Variants in PPP2R2B observed in about 807,000 individuals in gnomAD.
The protein encoded by PPP2R2B is protein phosphatase 2 regulatory subunit Bbeta.
PPP2R2B carries 5 observed loss-of-function variants against 46.0 expected under a neutral mutation model. That is an observed-to-expected ratio of 0.11 (90% CI 0.06 to 0.23). The LOEUF (loss-of-function observed/expected upper bound fraction) is 0.23, where lower values mean the gene tolerates loss of function less well. PPP2R2B is among the 10% of genes least tolerant of loss of function. The probability of loss-of-function intolerance (pLI) is 1.00; values close to 1 mark genes in which losing one functional copy is unlikely to be tolerated. For synonymous variants in PPP2R2B, 215 were observed against 206.7 expected, an observed-to-expected ratio of 1.04 and a Z score of -0.34; for missense variants, 367 against 575.0, an observed-to-expected ratio of 0.64 and a Z score of 3.70.
chr5:146,793,481 C>T (rs1033649041), intron 2 of PPP2R2B, among the ~76,000 whole-genome samples: 5 of 152,154 alleles, frequency 3.3e-5, no homozygotes, highest in African/African-American at 1.2e-4. Flanking sequence ...AGTACTAATT[C>T]ATTTAAGTCA....
At chr5:146,894,081 T>A (rs575285776) in intron 1 of PPP2R2B, among the ~76,000 whole-genome samples, 51 of 152,228 alleles carry the variant, frequency 3.4e-4, no homozygotes, top group African/African-American at 1.1e-3. Context: ...TCTGTCCATA[T>A]CTATCCATTT....
At position 146,581,511 on chromosome 5, in the gene PPP2R2B, A is replaced by G. The variant is rs114185781; in HGVS notation, c.*8436T>C. ...GATTATGGTGAGGACACAGATCCAA[A>G]TCATGTCAATATATAATTAACCTTT... On this transcript the variant is annotated 3_prime_UTR_variant, in exon 10 of 10. Transcript: ENST00000394411. The G allele has an allele frequency of 2.1e-3, 327 of 152,342 alleles. 3 individuals are homozygous for G. The highest frequency in any genetic ancestry group is 7.7e-3 in the African/African-American group (321 of 41,574). The allele number at this position is 152,342 out of a possible 1,614,324, so 9.4% of individuals were successfully genotyped here.
intron 8 of PPP2R2B, among the ~76,000 whole-genome samples, chr5:146,597,435 T>A (rs1298745843): frequency 1.3e-5 from 2 of 152,180 alleles, no homozygotes; most frequent in African/African-American, 4.8e-5. Flanking sequence ...TTTCCCCTTT[T>A]CCCTACCTTC....
intron 5 of PPP2R2B, among the ~76,000 whole-genome samples, chr5:146,689,058 A>G (rs576268906): frequency 6.6e-6 from 1 of 152,298 alleles, no homozygotes; most frequent in South Asian, 2.1e-4. Flanking sequence ...AAGAAAAATA[A>G]CTGAATTGTC....
intron 2 of PPP2R2B, among the ~76,000 whole-genome samples, chr5:146,866,907 T>C (rs536734337): frequency 6.2e-4 from 94 of 152,294 alleles, no homozygotes; most frequent in African/African-American, 2.0e-3. Context: ...TACAACATCC[T>C]TTATAAGTAC....
intron 6 of PPP2R2B, among the ~76,000 whole-genome samples, chr5:146,641,792 G>A (rs957470988): frequency 6.6e-6 from 1 of 152,128 alleles, no homozygotes; most frequent in African/African-American, 2.4e-5. Context: ...AAGAAGATGA[G>A]CAATTCGTGG....
intron 7 of PPP2R2B, among the ~76,000 whole-genome samples, chr5:146,633,173 C>T (rs1166723187): frequency 6.6e-6 from 1 of 152,226 alleles, no homozygotes; most frequent in Non-Finnish European, 1.5e-5. Flanking sequence ...AAGGAATCAT[C>T]CTTTCCAACC....
rs1770310991 is a variant in PPP2R2B, at chr5:146,588,806, G to C, written c.*1141C>G. 1 of 152,188 alleles carries C rather than the reference G, an allele frequency of 6.6e-6. No homozygotes were observed. Among genetic ancestry groups the C allele is most frequent in the Non-Finnish European group, 1.5e-5 (1 of 68,050 alleles). 9.4% of individuals were successfully genotyped at this position (152,188 alleles called of 1,614,324 possible). On this transcript the variant is annotated 3_prime_UTR_variant, in exon 10 of 10. Transcript: ENST00000394411. ...GAGAGCCTTCTGGTCTGTTTTTCCA[G>C]ATGGCGAGCTTGGGGTGAGTTAGAA...
At chr5:146,780,072 T>G (rs2151281180) in intron 2 of PPP2R2B, among the ~76,000 whole-genome samples, 1 of 152,288 alleles carries the variant, frequency 6.6e-6, no homozygotes, top group Non-Finnish European at 1.5e-5. Flanking sequence ...GGGTTAAATT[T>G]TTCTCCACTA....
intron 7 of PPP2R2B, among the ~76,000 whole-genome samples, chr5:146,604,762 A>C (rs1044433193): frequency 1.3e-5 from 2 of 152,234 alleles, no homozygotes; most frequent in African/African-American, 4.8e-5. Flanking sequence ...GGAAAGGTTC[A>C]GTAAGTCACC....
intron 7 of PPP2R2B, among the ~76,000 whole-genome samples, chr5:146,622,468 A>T (rs1434648799): frequency 1.3e-5 from 2 of 152,184 alleles, no homozygotes; most frequent in African/African-American, 4.8e-5. Context: ...ACTATTGACC[A>T]CTATGATATA....
intron 2 of PPP2R2B, among the ~76,000 whole-genome samples, chr5:146,740,888 C>A (rs577462554): frequency 6.6e-6 from 1 of 152,156 alleles, no homozygotes; most frequent in East Asian, 1.9e-4. Context: ...TCACAATCAC[C>A]AAAGGAACAC....
chr5:146,663,549 G>T (rs1336782061), intron 5 of PPP2R2B, among the ~76,000 whole-genome samples: 1 of 152,156 alleles, frequency 6.6e-6, no homozygotes, highest in Non-Finnish European at 1.5e-5. Context: ...AGTGAATATT[G>T]CAATAAAGTT....
chr5:146,929,622 G>A (rs1763901197), intron 1 of PPP2R2B, among the ~76,000 whole-genome samples: 1 of 151,902 alleles, frequency 6.6e-6, no homozygotes, highest in South Asian at 2.1e-4. Flanking sequence ...GTTATGAGAA[G>A]TCCTACAGGA....
chr5:146,959,155 G>C (rs960239300), intron 1 of PPP2R2B, among the ~76,000 whole-genome samples: 2 of 152,156 alleles, frequency 1.3e-5, no homozygotes, highest in Non-Finnish European at 2.9e-5. Flanking sequence ...GAAATTCTAA[G>C]TCTAAAGTCT....
chr5:146,853,856 T>A (rs1007161140), intron 2 of PPP2R2B, among the ~76,000 whole-genome samples: 1 of 151,998 alleles, frequency 6.6e-6, no homozygotes, highest in Non-Finnish European at 1.5e-5. Context: ...TCTTCTTCCC[T>A]CCTCCTCATC....
At chr5:146,750,472 T>C (rs1465932401) in intron 2 of PPP2R2B, among the ~76,000 whole-genome samples, 1 of 152,172 alleles carries the variant, frequency 6.6e-6, no homozygotes, top group East Asian at 1.9e-4. Flanking sequence ...GGGTAACAAA[T>C]TCAGTTGCTC....
chr5:146,859,934 T>C (rs959461203), intron 2 of PPP2R2B, among the ~76,000 whole-genome samples: 32 of 152,170 alleles, frequency 2.1e-4, no homozygotes, highest in African/African-American at 7.2e-4. Flanking sequence ...CTATCTGAAG[T>C]TTACCTTGGA....
chr5:146,641,011 G>A lies in PPP2R2B; in HGVS notation c.626-2596C>T, dbSNP rs182494277. Among the ~76,000 whole-genome samples, 21 of 152,246 alleles carry A rather than the reference G, an allele frequency of 1.4e-4. No individual in the cohort carries two copies. The East Asian group carries it at 3.9e-3, about 28-fold the overall frequency. On this transcript the variant is annotated intron_variant, in intron 6 of 9. Transcript: ENST00000394411. ...AGGGCTTGTTTAGTTTGACTCAAAG[G>A]GGTTCCAGGGATAAACCATGATTAT... is the stretch of plus-strand genomic sequence containing the variant.
Sources: gnomAD v4.1 joint callset for allele counts (sites outside exome capture counted in the v4.1 genomes callset) on GRCh38, gnomAD v4.1.1 for gene constraint, MANE v1.5 for transcripts, NCBI Gene and HGNC (gene_info 2026-07-23, HGNC 2026-07-21) for gene names.